Variants in OLFM2 observed in about 807,000 individuals in gnomAD.
OLFM2 encodes olfactomedin 2, also known as noelin-2.
A neutral mutation model predicts 43.9 loss-of-function variants in OLFM2; 20 were observed. The observed-to-expected ratio is 0.46, with a 90% CI of 0.32 to 0.66. OLFM2 has a LOEUF of 0.66. Among genes scored for constraint, OLFM2 ranks in the 30% least tolerant of loss-of-function variants. The pLI is 0.04. For missense variants in OLFM2, 416 were observed against 643.6 expected, an observed-to-expected ratio of 0.65 and a Z score of 3.83; for synonymous variants, 268 against 278.6, an observed-to-expected ratio of 0.96 and a Z score of 0.38.
chr19:9,924,406 C>T lies in OLFM2; in HGVS notation c.63+11898G>A, dbSNP rs866462131. On this transcript the variant is annotated intron_variant, in intron 1 of 5. Coordinates refer to ENST00000264833, the MANE Select transcript of OLFM2 (RefSeq NM_058164.4). Reference sequence around the variant, plus strand: ...GGGCGACAGAGCGAGACTCTGTCTCCAAAAAAAAAAAAAAAAAAAAAAAAA... The same window carrying T: ...GGGCGACAGAGCGAGACTCTGTCTCTAAAAAAAAAAAAAAAAAAAAAAAAA... 1.9e-4 allele frequency among the ~76,000 whole-genome samples: 5 copies of T among 25,788 alleles called. No individual in the cohort carries two copies. The East Asian group carries it at 6.7e-3, about 35-fold the overall frequency. The allele number at this position is 25,788 out of a possible 152,430, so 16.9% of individuals were successfully genotyped here.
chr19:9,856,118 G>A lies in OLFM2; in HGVS notation c.687+689C>T, dbSNP rs2046315203. Among the ~76,000 whole-genome samples, 1 of 152,120 alleles carries A rather than the reference G, an allele frequency of 6.6e-6. No homozygotes were observed. Among genetic ancestry groups the A allele is most frequent in the African/African-American group, 2.4e-5 (1 of 41,412 alleles). On this transcript the variant is annotated intron_variant, in intron 5 of 5. Coordinates refer to ENST00000264833, the MANE Select transcript of OLFM2 (RefSeq NM_058164.4). This position sits in a 1 kb window ranked among gnomAD's most constrained non-coding sequence, Gnocchi z 4.0. Reference sequence around the variant, plus strand: ...TTGTTTTTGTTTTGTTTTGTTTTGAGACAGAGTTTCACTCGTGTTGCCCAG... The same window carrying A: ...TTGTTTTTGTTTTGTTTTGTTTTGAAACAGAGTTTCACTCGTGTTGCCCAG...
At chr19:9,922,156 G>C (rs1262390910) in intron 1 of OLFM2, among the ~76,000 whole-genome samples, 1 of 151,224 alleles carries the variant, frequency 6.6e-6, no homozygotes, top group East Asian at 1.9e-4. Context: ...ACACCACTAA[G>C]AGAATGAAAA....
chr19:9,915,059 T>G (rs954604342), intron 1 of OLFM2, among the ~76,000 whole-genome samples: 2 of 152,084 alleles, frequency 1.3e-5, no homozygotes, highest in African/African-American at 4.8e-5. Context: ...GGATGACTGT[T>G]CCTCTCTGCC....
chr19:9,871,082 C>T (rs1260006261), intron 1 of OLFM2, among the ~76,000 whole-genome samples: 1 of 151,864 alleles, frequency 6.6e-6, no homozygotes, highest in Non-Finnish European at 1.5e-5. Context: ...CCAGCCTGGC[C>T]AACATGGTGA....
chr19:9,936,149 C>G (rs1232502320), intron 1 of OLFM2, among the ~76,000 whole-genome samples, 155 bp downstream of exon 1: 1 of 151,588 alleles, frequency 6.6e-6, no homozygotes, highest in Admixed American at 6.6e-5. Context: ...AGAGAGTGCA[C>G]GTCCCGGCCC....
intron 1 of OLFM2, among the ~76,000 whole-genome samples, chr19:9,903,324 G>C (rs1199635924): frequency 6.6e-6 from 1 of 151,986 alleles, no homozygotes; most frequent in Non-Finnish European, 1.5e-5. Context: ...GAACACCCAT[G>C]GCCCTCTGTG....
chr19:9,933,122 C>T (rs149367184), intron 1 of OLFM2, among the ~76,000 whole-genome samples: 17 of 152,296 alleles, frequency 1.1e-4, no homozygotes, highest in African/African-American at 4.1e-4. Flanking sequence ...ATGCTCTTCC[C>T]CCAGACACCC....
At chr19:9,919,194 T>G (rs2086404278) in intron 1 of OLFM2, among the ~76,000 whole-genome samples, 1 of 145,248 alleles carries the variant, frequency 6.9e-6, no homozygotes, top group African/African-American at 2.6e-5. Context: ...TGAGATGGAG[T>G]CTCGCTCTGT....
chr19:9,935,291 C>A (rs1016215059), intron 1 of OLFM2, among the ~76,000 whole-genome samples: 2 of 152,152 alleles, frequency 1.3e-5, no homozygotes, highest in Non-Finnish European at 2.9e-5. Flanking sequence ...TCCCTGTGAA[C>A]TCCTACAGAT....
intron 1 of OLFM2, among the ~76,000 whole-genome samples, chr19:9,881,610 G>A (rs566350606): frequency 6.6e-6 from 1 of 152,150 alleles, no homozygotes; most frequent in Admixed American, 6.5e-5. Context: ...TCTCAGCTCA[G>A]CCTCCCGAGT....
chr19:9,864,425 C>T (rs1248414570), intron 1 of OLFM2, among the ~76,000 whole-genome samples: 6 of 152,054 alleles, frequency 3.9e-5, no homozygotes, highest in Non-Finnish European at 7.4e-5. Context: ...CTCAGCCTCC[C>T]GAGTAGCTAG....
chr19:9,860,463 C>A (rs2046358155), intron 2 of OLFM2, among the ~76,000 whole-genome samples, 182 bp downstream of exon 2: 1 of 137,588 alleles, frequency 7.3e-6, no homozygotes, highest in Non-Finnish European at 1.6e-5. Flanking sequence ...CAGAGTGAGA[C>A]CCTGTGTTAA....
At chr19:9,907,782 T>A (rs771457178) in intron 1 of OLFM2, among the ~76,000 whole-genome samples, 1 of 151,990 alleles carries the variant, frequency 6.6e-6, no homozygotes, top group Non-Finnish European at 1.5e-5. Flanking sequence ...GGTGAGTGGA[T>A]CACTTGAGGT....
At chr19:9,913,544 G>T in intron 1 of OLFM2, 1 of 1,229,030 alleles carries the variant, frequency 8.1e-7, no homozygotes, top group South Asian at 2.6e-5. Context: ...CGAGGGCAGC[G>T]TCTGCGACAT....
At chr19:9,918,982 A>G (rs1303965837) in intron 1 of OLFM2, among the ~76,000 whole-genome samples, 2 of 152,096 alleles carry the variant, frequency 1.3e-5, no homozygotes, top group Non-Finnish European at 2.9e-5. Flanking sequence ...AAGTCACTCA[A>G]TTGCACGCTT....
Position 9,853,739 on chromosome 19 carries a change from T to C in OLFM2, c.*447A>G, listed in dbSNP as rs1599459947. 2.9e-5 allele frequency: 12 copies of C among 417,200 alleles called. No individual in the cohort carries two copies. In the East Asian group the frequency reaches 4.1e-4, roughly 14 times the overall value. The allele number at this position is 417,200 out of a possible 1,614,324, so 25.8% of individuals were successfully genotyped here. On this transcript the variant is annotated 3_prime_UTR_variant, in exon 6 of 6. Transcript: ENST00000264833. ...AGCGTCAAATGTCAAAGGTCCTGTT[T>C]ATTCCGGCAAACCGGAAAGAAAAAG...
chr19:9,906,249 C>T (rs2046785080), intron 1 of OLFM2, among the ~76,000 whole-genome samples: 1 of 152,162 alleles, frequency 6.6e-6, no homozygotes, highest in Non-Finnish European at 1.5e-5. Flanking sequence ...GAGCACCAGG[C>T]TCTGCCATCC....
intron 1 of OLFM2, among the ~76,000 whole-genome samples, chr19:9,919,619 T>C (rs2086407362): frequency 6.6e-6 from 1 of 151,822 alleles, no homozygotes; most frequent in African/African-American, 2.4e-5. Flanking sequence ...GTAGCTGGGA[T>C]TACAGGTGCA....
intron 1 of OLFM2, among the ~76,000 whole-genome samples, chr19:9,922,658 C>T (rs2086428151): frequency 1.3e-5 from 2 of 152,080 alleles, no homozygotes; most frequent in African/African-American, 4.8e-5. Flanking sequence ...TGGCTCATAC[C>T]TGTAATCCCA....
Sources: gnomAD v4.1 joint callset for allele counts (sites outside exome capture counted in the v4.1 genomes callset) on GRCh38, gnomAD v4.1.1 for gene constraint, Gnocchi (gnomAD v3.1) non-coding constraint, MANE v1.5 for transcripts, NCBI Gene and HGNC (gene_info 2026-07-23, HGNC 2026-07-21) for gene names.